The following PHF3 variants were observed in gnomAD, a reference collection of about 807,000 sequenced individuals.
PHF3 encodes the protein PHD finger protein 3.
PHF3 carries 41 observed loss-of-function variants against 178.4 expected under a neutral mutation model. The ratio of observed to expected loss-of-function variants is 0.23; its 90% CI spans 0.18 to 0.30. The LOEUF is 0.30. Among genes scored for constraint, PHF3 ranks in the 10% least tolerant of loss-of-function variants. The probability of loss-of-function intolerance (pLI) is 1.00; values close to 1 mark genes in which losing one functional copy is unlikely to be tolerated. For synonymous variants in PHF3, 842 were observed against 800.5 expected (o/e 1.05, Z -0.88); for missense variants, 2,346 against 2,398.1 (o/e 0.98, Z 0.45).
intron 2 of PHF3, among the ~76,000 whole-genome samples, chr6:63,649,811 T>A (rs2149543483): frequency 6.6e-6 from 1 of 152,226 alleles, no homozygotes; most frequent in African/African-American, 2.4e-5. Context: ...ATTAATATAT[T>A]TTTTTAACCT....
chr6:63,678,550 TA>T (rs1332815963), intron 2 of PHF3, among the ~76,000 whole-genome samples: 2 of 152,128 alleles, frequency 1.3e-5, no homozygotes, highest in African/African-American at 4.8e-5. Context: ...TGTGTATGAT[TA>T]CTGGTATAAT....
intron 8 of PHF3, 136 bp from the exon 9 acceptor site, chr6:63,700,214 G>C: frequency 2.0e-6 from 1 of 492,952 alleles, no homozygotes; most frequent in South Asian, 3.4e-5. Context: ...TTTAATCTCT[G>C]TGTAGTAGGT....
At chr6:63,692,431 A>T (rs1767047620) in intron 5 of PHF3, among the ~76,000 whole-genome samples, 1 of 152,158 alleles carries the variant, frequency 6.6e-6, no homozygotes, top group African/African-American at 2.4e-5. Flanking sequence ...TATTTTTTTG[A>T]CTACCTTCTG....
Position 63,721,011 on chromosome 6 carries a change from TCATTTTCTTC to T in PHF3, c.*7304_*7313del. Reference sequence around the variant, plus strand: ...ATTATGGAGACCAATTGCCAGAAAATCATTTTCTTCATTTTGAGCTATTCCCATCCATACA... The same window carrying T: ...ATTATGGAGACCAATTGCCAGAAAATATTTTGAGCTATTCCCATCCATACA... On this transcript the variant is annotated 3_prime_UTR_variant, in exon 16 of 16. Transcript: ENST00000262043. 1 of 1,551,312 alleles carries T rather than the reference TCATTTTCTTC, an allele frequency of 6.4e-7. No homozygotes were observed. Among genetic ancestry groups the T allele is most frequent in the Non-Finnish European group, 8.7e-7 (1 of 1,146,786 alleles).
chr6:63,661,539 A>C (rs965722787), intron 2 of PHF3, among the ~76,000 whole-genome samples: 2 of 152,214 alleles, frequency 1.3e-5, no homozygotes, highest in Non-Finnish European at 2.9e-5. Flanking sequence ...AATCTTTAAC[A>C]TAATTTCAAT....
In PHF3 at chr6:63,718,379, T is replaced by A. The variant is rs1391553603; in HGVS notation, c.*4671T>A. On this transcript the variant is annotated 3_prime_UTR_variant, in exon 16 of 16. Transcript: ENST00000262043. ...TCTTAAAAATTGAGAATGTCAAAGC[T>A]TTTGTTTATATGGCTTATATCATTA... Among the ~76,000 whole-genome samples, 1 of 152,040 alleles carries A rather than the reference T, an allele frequency of 6.6e-6. No homozygotes were observed. Among genetic ancestry groups the A allele is most frequent in the Non-Finnish European group, 1.5e-5 (1 of 67,942 alleles).
At chr6:63,667,081 G>A (rs1002315871) in intron 2 of PHF3, among the ~76,000 whole-genome samples, 1 of 152,104 alleles carries the variant, frequency 6.6e-6, no homozygotes, top group Non-Finnish European at 1.5e-5. Context: ...CTGGGCTCAA[G>A]CAATCCTCCT....
chr6:63,692,412 A>G (rs1336648937), intron 5 of PHF3, among the ~76,000 whole-genome samples: 1 of 152,160 alleles, frequency 6.6e-6, no homozygotes, highest in Non-Finnish European at 1.5e-5. Flanking sequence ...CCCTTTGACC[A>G]TTTGGCATTA....
chr6:63,685,192 T>C lies in PHF3; in HGVS notation c.1470T>C (p.His490=). 1 of 1,613,920 alleles carries C rather than the reference T, an allele frequency of 6.2e-7. No homozygotes were observed. The highest frequency in any genetic ancestry group is 1.3e-5 in the African/African-American group (1 of 75,048). ...YLESKSVKSK[H]TKPVIHSKQN... is the part of the protein sequence containing the mutation. The stretch of plus-strand genomic sequence containing the variant: ...AGTCAAAAAGTGTAAAATCCAAACA[T>C]ACAAAACCTGTAATTCATTCTAAGC... Residue 490 remains histidine (H), a synonymous_variant, in exon 4 of 16, where the codon CAT becomes CAC. Coordinates refer to ENST00000262043, the MANE Select transcript of PHF3 (RefSeq NM_001370348.2).
At chr6:63,661,162 G>A (rs1382957800) in intron 2 of PHF3, among the ~76,000 whole-genome samples, 1 of 152,106 alleles carries the variant, frequency 6.6e-6, no homozygotes, top group Non-Finnish European at 1.5e-5. Flanking sequence ...TATTCATGGA[G>A]GTTTAGCCAT....
At chr6:63,700,924 T>C (rs1767448352) in intron 9 of PHF3, among the ~76,000 whole-genome samples, 1 of 152,180 alleles carries the variant, frequency 6.6e-6, no homozygotes, top group Non-Finnish European at 1.5e-5. Context: ...TTAAATTCTG[T>C]TGGTTTCTCT....
At chr6:63,643,958 C>T (rs992874635) in intron 1 of PHF3, among the ~76,000 whole-genome samples, 41 of 152,140 alleles carry the variant, frequency 2.7e-4, no homozygotes, top group African/African-American at 9.7e-4. Context: ...GCCTGGTCTT[C>T]AGTATAGCTA....
chr6:63,641,441 A>G (rs1399668005), intron 1 of PHF3, among the ~76,000 whole-genome samples: 2 of 151,998 alleles, frequency 1.3e-5, no homozygotes, highest in African/African-American at 4.8e-5. Flanking sequence ...CCACAGACAC[A>G]AATGTAGACT....
At chr6:63,671,527 C>T (rs138474993) in intron 2 of PHF3, among the ~76,000 whole-genome samples, 48 of 152,296 alleles carry the variant, frequency 3.2e-4, no homozygotes, top group Middle Eastern at 6.8e-3. Flanking sequence ...AGGCCTCTCT[C>T]AAACATTGAG....
intron 1 of PHF3, among the ~76,000 whole-genome samples, chr6:63,645,722 T>C (rs1764755889): frequency 6.6e-6 from 1 of 152,222 alleles, no homozygotes; most frequent in African/African-American, 2.4e-5. Flanking sequence ...TTGAGGCTCC[T>C]GTAGAGCTTT....
intron 1 of PHF3, among the ~76,000 whole-genome samples, chr6:63,639,822 C>T (rs1213810676): frequency 6.6e-6 from 1 of 152,090 alleles, no homozygotes; most frequent in Non-Finnish European, 1.5e-5. Context: ...GTTGTTACTC[C>T]CTAGGCCATA....
chr6:63,681,316 G>A (rs1766425512), intron 3 of PHF3, among the ~76,000 whole-genome samples: 1 of 152,004 alleles, frequency 6.6e-6, no homozygotes, highest in Admixed American at 6.6e-5. Flanking sequence ...TGGAGCTCAA[G>A]ACACTCAGTA....
At chr6:63,683,573 T>C (rs1239194987) in intron 3 of PHF3, among the ~76,000 whole-genome samples, 1 of 152,092 alleles carries the variant, frequency 6.6e-6, no homozygotes, top group Admixed American at 6.5e-5. Context: ...GGAATAGCTT[T>C]AATGCTAAAA....
chr6:63,647,208 A>C (rs116558385), intron 2 of PHF3, among the ~76,000 whole-genome samples: 7,616 of 152,090 alleles, frequency 0.05, 323 homozygotes, highest in African/African-American at 0.12. Flanking sequence ...GGGATGGCTG[A>C]ATTGACCTTT....
Sources: gnomAD v4.1 joint callset for allele counts (sites outside exome capture counted in the v4.1 genomes callset) on GRCh38, gnomAD v4.1.1 for gene constraint, MANE v1.5 for transcripts, NCBI Gene and HGNC (gene_info 2026-07-23, HGNC 2026-07-21) for gene names.